Variants in AHCYL2 observed in about 807,000 individuals in gnomAD.
AHCYL2 encodes the protein S-adenosylhomocysteine hydrolase-like protein 2.
Under a neutral mutation model 81.4 loss-of-function variants are expected in AHCYL2, and 28 were observed. The ratio of observed to expected loss-of-function variants is 0.34; its 90% CI spans 0.25 to 0.47. AHCYL2 has a LOEUF of 0.47. Among genes scored for constraint, AHCYL2 ranks in the 20% least tolerant of loss-of-function variants. The probability of loss-of-function intolerance (pLI) is 1.00; values close to 1 mark genes in which losing one functional copy is unlikely to be tolerated. For missense variants in AHCYL2, 551 were observed against 785.1 expected (o/e 0.70, Z 3.56); for synonymous variants, 272 against 290.2 (o/e 0.94, Z 0.64).
intron 1 of AHCYL2, among the ~76,000 whole-genome samples, chr7:129,293,456 A>G (rs1335920190): frequency 6.6e-6 from 1 of 152,100 alleles, no homozygotes; most frequent in Non-Finnish European, 1.5e-5. Flanking sequence ...CCAGCGGATC[A>G]CTTGAGCCCA....
At chr7:129,392,197 G>T (rs1473326421) in intron 4 of AHCYL2, among the ~76,000 whole-genome samples, 1 of 151,448 alleles carries the variant, frequency 6.6e-6, no homozygotes, top group Admixed American at 6.6e-5. Context: ...AAAAAATAAC[G>T]ACAAAGAAAT....
chr7:129,377,039 T>C (rs905234368), intron 1 of AHCYL2, among the ~76,000 whole-genome samples: 20 of 152,208 alleles, frequency 1.3e-4, no homozygotes, highest in African/African-American at 4.1e-4. Context: ...GTATAGACAG[T>C]GAAGATAGAA....
At chr7:129,402,643 G>A (rs1232410308) in intron 6 of AHCYL2, among the ~76,000 whole-genome samples, 1 of 152,208 alleles carries the variant, frequency 6.6e-6, no homozygotes, top group Non-Finnish European at 1.5e-5. Flanking sequence ...GCTGATGAAA[G>A]CTCCAGTGGG....
rs188542744 is a variant in AHCYL2 at position 129,348,400 on chromosome 7, C to A, written c.364-31238C>A. On this transcript the variant is annotated intron_variant, in intron 1 of 16. Transcript: ENST00000325006. The stretch of plus-strand genomic sequence containing the variant: ...GTAGAAAAAGAAACAATAACCCCCC[C>A]CCCACACACACACATACATGCTTTT... Among the ~76,000 whole-genome samples the A allele has an allele frequency of 6.5e-3, 978 of 150,066 alleles. 13 individuals carry two copies. The highest frequency in any genetic ancestry group is 0.02 in the African/African-American group (804 of 40,818).
chr7:129,377,849 T>C (rs1446361596), intron 1 of AHCYL2, among the ~76,000 whole-genome samples: 1 of 152,156 alleles, frequency 6.6e-6, no homozygotes, highest in Non-Finnish European at 1.5e-5. Context: ...AAAGATAAAA[T>C]TGTAAGAAAA....
At position 129,368,534 on chromosome 7, in the gene AHCYL2, C is replaced by G. The variant is rs764994316; in HGVS notation, c.364-11104C>G. The G allele has an allele frequency of 1.2e-6, 2 of 1,613,930 alleles. No individual in the cohort carries two copies. Among genetic ancestry groups the G allele is most frequent in the Non-Finnish European group, 1.7e-6 (2 of 1,179,898 alleles). On this transcript the variant is annotated intron_variant, in intron 1 of 16. Transcript: ENST00000325006. The surrounding 1 kb of genome is among the most constrained non-coding windows in gnomAD (Gnocchi z 4.4). The stretch of plus-strand genomic sequence containing the variant: ...CGGTAATGAGGGCACCTCAGCTTTT[C>G]ACATGCCTGAGTGGATGGTGAGTTC...
At chr7:129,323,961 C>A (rs1414007030) in intron 1 of AHCYL2, among the ~76,000 whole-genome samples, 1 of 151,054 alleles carries the variant, frequency 6.6e-6, no homozygotes, top group Non-Finnish European at 1.5e-5. Flanking sequence ...ACCTCTGCCT[C>A]CCAGGTTCAA....
chr7:129,422,735 G>A, intron 12 of AHCYL2, 105 bp from the exon 13 acceptor site: 1 of 898,658 alleles, frequency 1.1e-6, no homozygotes, highest in South Asian at 1.6e-5. Flanking sequence ...TGGCATGTTG[G>A]TTGCTCCTTT....
intron 1 of AHCYL2, among the ~76,000 whole-genome samples, chr7:129,326,778 G>C (rs1362692267): frequency 1.3e-5 from 2 of 152,108 alleles, no homozygotes; most frequent in Non-Finnish European, 2.9e-5. Flanking sequence ...TAGAAGAATG[G>C]AGAGAAACCG....
intron 1 of AHCYL2, among the ~76,000 whole-genome samples, chr7:129,225,742 A>G (rs1368904576): frequency 6.6e-6 from 1 of 152,082 alleles, no homozygotes; most frequent in African/African-American, 2.4e-5. Flanking sequence ...CGGCCCCAAC[A>G]CGCTCCCGGG....
Position 129,389,694 on chromosome 7 carries a change from C to T in AHCYL2, c.680C>T (p.Ala227Val). The change falls in exon 4 of 17, where the codon GCC becomes GTC. Residue 227 changes from alanine (A) to valine (V), a missense_variant. Ala to Val is a moderately conservative substitution (Grantham distance 64, BLOSUM62 0). Around this residue, in one of 2 missense-constraint regions of AHCYL2, gnomAD observed 316 missense variants for 543.1 expected, o/e 0.58. Coordinates refer to ENST00000325006, the MANE Select transcript of AHCYL2 (RefSeq NM_015328.4). ...RAQGEKPLAGAKIVGCTHITA... is the reference protein window; with the variant it reads ...RAQGEKPLAGVKIVGCTHITA... ...CAAGGAGAAAAGCCTTTGGCTGGAG[C>T]CAAAATCGTGGGTTGCACACACATC... The T allele has an allele frequency of 6.2e-7, 1 of 1,613,772 alleles. No homozygotes were observed. The highest frequency in any genetic ancestry group is 2.2e-5 in the East Asian group (1 of 44,868).
chr7:129,414,117 A>G (rs1019787521), intron 12 of AHCYL2, among the ~76,000 whole-genome samples: 3 of 152,196 alleles, frequency 2.0e-5, no homozygotes, highest in Admixed American at 6.5e-5. Context: ...AGAGAAATCT[A>G]TGGGCTGGGA....
chr7:129,400,193 A>G, intron 5 of AHCYL2, 97 bp from the exon 6 acceptor site: 1 of 1,003,230 alleles, frequency 1.0e-6, no homozygotes, highest in Non-Finnish European at 1.5e-6. Flanking sequence ...AGAATGAGAG[A>G]GTTGGAAATT....
intron 1 of AHCYL2, among the ~76,000 whole-genome samples, chr7:129,336,891 C>T (rs191946074): frequency 9.5e-4 from 144 of 151,976 alleles, no homozygotes; most frequent in African/African-American, 3.3e-3. Context: ...GGACTGCAAG[C>T]GCAAGCCACC....
At chr7:129,280,899 C>G (rs965597869) in intron 1 of AHCYL2, among the ~76,000 whole-genome samples, 1 of 149,216 alleles carries the variant, frequency 6.7e-6, no homozygotes, top group Non-Finnish European at 1.5e-5. Context: ...GAGTCTCGCT[C>G]TGTCGCCCAG....
intron 1 of AHCYL2, among the ~76,000 whole-genome samples, chr7:129,241,131 A>T (rs1036081902): frequency 6.6e-6 from 1 of 152,186 alleles, no homozygotes; most frequent in Non-Finnish European, 1.5e-5. Flanking sequence ...AAAAGAGTTG[A>T]CACATGCAGC....
chr7:129,336,758 T>A (rs1368327338), intron 1 of AHCYL2, among the ~76,000 whole-genome samples: 1 of 151,568 alleles, frequency 6.6e-6, no homozygotes, highest in Non-Finnish European at 1.5e-5. Flanking sequence ...AAAACGTAAT[T>A]TTTTTTTTGA....
Position 129,368,317 on chromosome 7 carries a change from A to T in AHCYL2, c.364-11321A>T, listed in dbSNP as rs900977324. ...CCAGTAAGGGGTTGTCAGGCAGTTG[A>T]CTAATGCTCTTGATTTGAATCGGAG... On this transcript the variant is annotated intron_variant, in intron 1 of 16. Transcript: ENST00000325006. This position sits in a 1 kb window ranked among gnomAD's most constrained non-coding sequence, Gnocchi z 4.4. 5.5e-6 allele frequency: 8 copies of T among 1,444,408 alleles called. No homozygotes were observed. The highest frequency in any genetic ancestry group is 7.3e-6 in the Non-Finnish European group (8 of 1,098,702). The allele number at this position is 1,444,408 out of a possible 1,614,324, so 89.5% of individuals were successfully genotyped here. A position where few individuals can be genotyped will look rare whatever the true frequency, so the allele number is the denominator to read the frequency against.
intron 1 of AHCYL2, among the ~76,000 whole-genome samples, chr7:129,366,798 T>C (rs1166323183): frequency 6.9e-6 from 1 of 145,596 alleles, no homozygotes; most frequent in African/African-American, 2.5e-5. Context: ...AAAAAGTTTA[T>C]AGAAAGTTTA....
Sources: gnomAD v4.1 joint callset for allele counts (sites outside exome capture counted in the v4.1 genomes callset) on GRCh38, gnomAD v4.1.1 for gene constraint, gnomAD v4.1.1 regional missense constraint, Gnocchi (gnomAD v3.1) non-coding constraint, MANE v1.5 for transcripts, NCBI Gene and HGNC (gene_info 2026-07-23, HGNC 2026-07-21) for gene names.